MYH10: variants seen among roughly 807,000 people sequenced by gnomAD.
MYH10 encodes the protein myosin heavy chain 10.
MYH10 carries 55 observed loss-of-function variants against 257.8 expected under a neutral mutation model. The observed-to-expected ratio is 0.21, with a 90% CI of 0.17 to 0.27. The LOEUF (loss-of-function observed/expected upper bound fraction) is 0.27, where lower values mean the gene tolerates loss of function less well. Among genes scored for constraint, MYH10 ranks in the 10% least tolerant of loss-of-function variants. MYH10 has a pLI of 1.00. For synonymous variants in MYH10, 854 were observed against 921.7 expected (o/e 0.93, Z 1.33); for missense variants, 1,631 against 2,500.6 (o/e 0.65, Z 7.42).
intron 2 of MYH10, among the ~76,000 whole-genome samples, chr17:8,607,130 C>T (rs2084842096): frequency 6.6e-6 from 1 of 152,150 alleles, no homozygotes; most frequent in Non-Finnish European, 1.5e-5. Context: ...AAATCGCAAC[C>T]ATACATTGAT....
At position 8,569,754 on chromosome 17, in the gene MYH10, G is replaced by C. The variant is rs1020898272; in HGVS notation, c.722C>G (p.Ala241Gly). The C allele has an allele frequency of 4.3e-6, 7 of 1,611,536 alleles. No individual in the cohort carries two copies. Among genetic ancestry groups the C allele is most frequent in the Non-Finnish European group, 5.1e-6 (6 of 1,178,846 alleles). The change falls in exon 7 of 43, where the codon GCG (alanine) becomes GGG (glycine). Residue 241 changes from alanine (A) to glycine (G), a missense_variant. Coordinates refer to ENST00000360416, the MANE Select transcript of MYH10 (RefSeq NM_001256012.3). The surrounding 1 kb of genome is among the most constrained non-coding windows in gnomAD (Gnocchi z 4.1). ...ANPILESFGN[A>G]KTVKNDNSSR... ...TGAGTTATCATTTTTCACAGTCTTC[G>C]CATTTCCAAATGATTCCAGAATTGG...
At chr17:8,583,320 C>CCCAAAGTTT (rs1216654966) in intron 4 of MYH10, among the ~76,000 whole-genome samples, 1 of 152,148 alleles carries the variant, frequency 6.6e-6, no homozygotes, top group Non-Finnish European at 1.5e-5. Flanking sequence ...AGACACACAT[C>CCCAAAGTTT]TAATAATTCC....
chr17:8,537,766 A>C (rs550894587), intron 14 of MYH10, among the ~76,000 whole-genome samples: 5 of 152,328 alleles, frequency 3.3e-5, no homozygotes, highest in African/African-American at 1.2e-4. Flanking sequence ...TGACTTGGTG[A>C]CAGCATGATC....
intron 2 of MYH10, among the ~76,000 whole-genome samples, chr17:8,622,171 C>T (rs2085492162): frequency 6.6e-6 from 1 of 152,172 alleles, no homozygotes; most frequent in South Asian, 2.1e-4. Flanking sequence ...CCACACGTGC[C>T]ACCTTCTTCA....
chr17:8,564,348 T>G (rs1345225076), intron 7 of MYH10, among the ~76,000 whole-genome samples: 1 of 152,234 alleles, frequency 6.6e-6, no homozygotes, highest in Non-Finnish European at 1.5e-5. Flanking sequence ...TATGACTGCA[T>G]GAAATTTCAC....
intron 12 of MYH10, 28 bp downstream of exon 12, chr17:8,546,516 C>T (rs761732663): frequency 4.5e-5 from 70 of 1,560,182 alleles, no homozygotes; most frequent in South Asian, 2.7e-4. Flanking sequence ...TCAAACAAAT[C>T]AGTAATAACA....
In MYH10 at chr17:8,497,296, A is replaced by C. The variant is rs1294462198; in HGVS notation, c.3951+1974T>G. Among the ~76,000 whole-genome samples, 4 of 152,258 alleles carry C rather than the reference A, an allele frequency of 2.6e-5. No homozygotes were observed. The East Asian group carries it at 5.8e-4, about 22-fold the overall frequency. ...TTCAATGTGGCAATATAGGATGTAC[A>C]TCTTTTCTTACCAATAAGGACTCAT... On this transcript the variant is annotated intron_variant, in intron 30 of 42. Transcript: ENST00000360416.
chr17:8,617,467 T>C (rs2152099830), intron 2 of MYH10, among the ~76,000 whole-genome samples: 1 of 152,330 alleles, frequency 6.6e-6, no homozygotes, highest in East Asian at 1.9e-4. Flanking sequence ...ACATTATTTG[T>C]AAATCTACCC....
chr17:8,608,004 G>C (rs1261126502), intron 2 of MYH10, among the ~76,000 whole-genome samples: 2 of 152,070 alleles, frequency 1.3e-5, no homozygotes, highest in Non-Finnish European at 2.9e-5. Context: ...AGAGATAAAG[G>C]AATTCCTATT....
intron 3 of MYH10, among the ~76,000 whole-genome samples, chr17:8,593,237 A>G (rs2084239460): frequency 6.6e-6 from 1 of 151,990 alleles, no homozygotes; most frequent in African/African-American, 2.4e-5. Context: ...ATCCTCTTTA[A>G]TAGTGAAAAA....
At chr17:8,536,690 T>C (rs1431335359) in intron 14 of MYH10, among the ~76,000 whole-genome samples, 1 of 151,598 alleles carries the variant, frequency 6.6e-6, no homozygotes, top group Non-Finnish European at 1.5e-5. Flanking sequence ...TCCCAGCTAC[T>C]CAGGAGGCTG....
intron 29 of MYH10, among the ~76,000 whole-genome samples, chr17:8,500,196 C>G (rs1917301717): frequency 6.6e-6 from 1 of 152,100 alleles, no homozygotes; most frequent in Non-Finnish European, 1.5e-5. Flanking sequence ...AGGCAAAGAA[C>G]AGAAAGATGG....
intron 17 of MYH10, among the ~76,000 whole-genome samples, chr17:8,523,391 A>C (rs988073724): frequency 5.3e-5 from 8 of 152,284 alleles, no homozygotes; most frequent in Non-Finnish European, 8.8e-5. Flanking sequence ...AAGAGTGAGA[A>C]ATGCATTCAA....
intron 24 of MYH10, among the ~76,000 whole-genome samples, chr17:8,511,860 T>G (rs1245281268): frequency 1.3e-5 from 2 of 152,308 alleles, no homozygotes; most frequent in East Asian, 3.9e-4. Context: ...CCAGACATCA[T>G]ATTTCACTTG....
In MYH10 at chr17:8,521,008, G is replaced by A. The variant is rs1272184884; in HGVS notation, c.2152-9C>T. The stretch of plus-strand genomic sequence containing the variant: ...GGATCCAATTTTCCAGCCTAATCAA[G>A]CAAACAATAGTTTCATGGTTTAATC... On this transcript the variant is annotated splice_polypyrimidine_tract_variant and intron_variant, in intron 18 of 42. Transcript: ENST00000360416. 6.2e-7 allele frequency: 1 copy of A among 1,610,042 alleles called. No homozygotes were observed.
chr17:8,542,325 G>A (rs1597784549), intron 13 of MYH10, 45 bp from the exon 14 acceptor site: 5 of 1,549,982 alleles, frequency 3.2e-6, no homozygotes, highest in East Asian at 2.3e-5. Context: ...GGAGGTGGAG[G>A]GAAAATGGGA....
At chr17:8,608,115 G>A (rs374017368) in intron 2 of MYH10, among the ~76,000 whole-genome samples, 1 of 152,170 alleles carries the variant, frequency 6.6e-6, no homozygotes, top group South Asian at 2.1e-4. Context: ...GAATGTGAGC[G>A]ACAAGGGCCT....
At chr17:8,524,124 G>A (rs554947074) in intron 17 of MYH10, among the ~76,000 whole-genome samples, 32 of 152,032 alleles carry the variant, frequency 2.1e-4, no homozygotes, top group Non-Finnish European at 3.8e-4. Context: ...TCCCCAAGGA[G>A]CTCAGCAGAG....
chr17:8,556,893 C>T (rs2082823429), intron 7 of MYH10, among the ~76,000 whole-genome samples: 1 of 152,152 alleles, frequency 6.6e-6, no homozygotes, highest in Non-Finnish European at 1.5e-5. Context: ...ACATTCGGAT[C>T]TGTGAAGCAT....
Sources: allele counts gnomAD v4.1 joint callset (sites outside exome capture counted in the v4.1 genomes callset), GRCh38; gene constraint gnomAD v4.1.1; non-coding constraint Gnocchi (gnomAD v3.1); transcripts MANE v1.5; gene names NCBI Gene and HGNC (gene_info 2026-07-23, HGNC 2026-07-21).